The following ARHGEF4 variants were observed in gnomAD, a reference collection of about 807,000 sequenced individuals.
The protein encoded by ARHGEF4 is Rho guanine nucleotide exchange factor 4.
In ARHGEF4, 119 loss-of-function variants were observed where a neutral mutation model predicts 162.0. The observed-to-expected ratio is 0.73, with a 90% CI of 0.63 to 0.86. The LOEUF is 0.86. Ranked by LOEUF, ARHGEF4 falls within the 40% of genes least tolerant of loss-of-function variation. ARHGEF4 has a pLI of 0.00. For synonymous variants in ARHGEF4, 1,014 were observed against 979.9 expected (o/e 1.03, Z -0.65); for missense variants, 2,488 against 2,456.0 (o/e 1.01, Z -0.28).
intron 1 of ARHGEF4, among the ~76,000 whole-genome samples, chr2:130,856,115 C>A (rs1681764543): frequency 6.6e-6 from 1 of 152,054 alleles, no homozygotes; most frequent in African/African-American, 2.4e-5. Flanking sequence ...CTAAAGGAAG[C>A]CATGAATAAA....
At chr2:130,946,456 A>T in intron 3 of ARHGEF4, 53 bp from the exon 4 acceptor site, 1 of 1,565,472 alleles carries the variant, frequency 6.4e-7, no homozygotes, top group Non-Finnish European at 8.7e-7. Flanking sequence ...TGGCAATGAC[A>T]GCCTGTCATT....
intron 4 of ARHGEF4, among the ~76,000 whole-genome samples, chr2:130,988,899 TATAGAGAG>T (rs1202365212): frequency 0.011 from 1,254 of 112,718 alleles, 5 homozygotes; most frequent in Middle Eastern, 0.022. Context: ...TATATATATA[TATAGAGAG>T]AGAGAGAGAG....
At chr2:131,011,972 G>T in intron 4 of ARHGEF4, 1 of 695,178 alleles carries the variant, frequency 1.4e-6, no homozygotes, top group Non-Finnish European at 2.6e-6. Flanking sequence ...AGGGCTAGCT[G>T]ATGGACTTGA....
At position 131,040,400 on chromosome 2, in the gene ARHGEF4, G is replaced by T. The variant is rs931711554; in HGVS notation, c.4622G>T (p.Arg1541Leu). The T allele has an allele frequency of 5.0e-6, 8 of 1,606,488 alleles. No homozygotes were observed. The African/African-American group carries it at 8.0e-5, about 16-fold the overall frequency. The change falls in exon 8 of 14, where the codon CGC becomes CTC. Residue 1541 changes from arginine to leucine, a missense_variant. Transcript: ENST00000409359. ...CTGGAGCAGAGGTTCAACCGCGAGC[G>T]CCCACACCTGAGCGAGCTGGGTGCC... ...KALEQRFNRE[R>L]PHLSELGACF...
chr2:131,042,093 C>A, intron 10 of ARHGEF4, 149 bp downstream of exon 10: 1 of 1,230,728 alleles, frequency 8.1e-7, no homozygotes, highest in Non-Finnish European at 1.1e-6. Context: ...GAAAGCCTGT[C>A]CCCAGCGTGG....
At chr2:130,844,470 G>C (rs922712752) in intron 1 of ARHGEF4, among the ~76,000 whole-genome samples, 1 of 152,232 alleles carries the variant, frequency 6.6e-6, no homozygotes, top group South Asian at 2.1e-4. Context: ...AGCTTGAAAT[G>C]CCTTGGGTAT....
In ARHGEF4 at chr2:130,916,597, GTAGCCGAGGGCCTTCCTC is replaced by G. The variant is rs1681513823; in HGVS notation, c.2653_2670del (p.Ser885_Ser890del). On this transcript the variant is annotated inframe_deletion, in exon 2 of 14. Coordinates refer to ENST00000409359, the MANE Select transcript of ARHGEF4 (RefSeq NM_001367493.1). ...CACACGGGGACCTCAGGGGATCTTG[GTAGCCGAGGGCCTTCCTC>G]TGAGAGCTGCAACGCAAAGAGACTC... is the stretch of plus-strand genomic sequence containing the variant. 1.9e-6 allele frequency: 3 copies of G among 1,550,450 alleles called. No homozygotes were observed. The highest frequency in any genetic ancestry group is 2.6e-6 in the Non-Finnish European group (3 of 1,146,982).
chr2:131,029,187 C>T lies in ARHGEF4; in HGVS notation c.4125+1103C>T, dbSNP rs369654473. ...ACCAGCCTGGCCAACACTGAAACCCCATCTCTACTAAAAATACAAAAATTA... is the reference window on the plus strand; with the variant it reads ...ACCAGCCTGGCCAACACTGAAACCCTATCTCTACTAAAAATACAAAAATTA... On this transcript the variant is annotated intron_variant, in intron 5 of 13. Transcript: ENST00000409359. Among the ~76,000 whole-genome samples the T allele has an allele frequency of 3.3e-5, 5 of 152,062 alleles. No individual in the cohort carries two copies. In the South Asian group the frequency reaches 8.3e-4, roughly 25 times the overall value.
Position 131,045,623 on chromosome 2 carries a change from G to C in ARHGEF4, c.5479+177G>C, listed in dbSNP as rs187203373. 4.5e-6 allele frequency: 7 copies of C among 1,562,234 alleles called. No homozygotes were observed. In the Admixed American group the frequency reaches 9.0e-5, roughly 20 times the overall value. ...ATAAGGGGCCACTGGGGAAGCCTGG[G>C]TCAGTATATGGTTGACATTCTTACT... On this transcript the variant is annotated intron_variant, in intron 13 of 13. Transcript: ENST00000409359.
rs144914776 is a variant in ARHGEF4 at position 130,977,697 on chromosome 2, A to G, written c.3985+31062A>G. Among the ~76,000 whole-genome samples the G allele has an allele frequency of 4.0e-3, 598 of 151,210 alleles. 5 individuals are homozygous for G. The highest frequency in any genetic ancestry group is 0.017 in the East Asian group (86 of 5,116). On this transcript the variant is annotated intron_variant, in intron 4 of 13. Transcript: ENST00000409359. Reference sequence around the variant, plus strand: ...GTGTGTGCGCTGTGTGCATTGTGCAAACGTGTTTTTTTTGCATCTTGTGCG... The same window carrying G: ...GTGTGTGCGCTGTGTGCATTGTGCAGACGTGTTTTTTTTGCATCTTGTGCG...
intron 3 of ARHGEF4, among the ~76,000 whole-genome samples, chr2:130,939,190 A>C (rs768572057): frequency 8.5e-5 from 13 of 152,220 alleles, no homozygotes; most frequent in Non-Finnish European, 1.6e-4. Flanking sequence ...TTTCCCTAGG[A>C]TAATGGCCTC....
chr2:130,874,450 TCA>T (rs1489607074), intron 1 of ARHGEF4, among the ~76,000 whole-genome samples: 8 of 152,202 alleles, frequency 5.3e-5, no homozygotes, highest in Non-Finnish European at 1.2e-4. Flanking sequence ...CTTGGAGGGA[TCA>T]TGTCTCTGCA....
At chr2:130,921,697 G>A (rs1681883030) in intron 2 of ARHGEF4, among the ~76,000 whole-genome samples, 1 of 151,956 alleles carries the variant, frequency 6.6e-6, no homozygotes, top group Non-Finnish European at 1.5e-5. Context: ...AGGAACTTTT[G>A]TTTTTGTTTT....
chr2:131,031,664 A>G (rs1456959806), intron 5 of ARHGEF4, among the ~76,000 whole-genome samples: 1 of 152,128 alleles, frequency 6.6e-6, no homozygotes, highest in Non-Finnish European at 1.5e-5. Flanking sequence ...AGTCCCTGCC[A>G]GGCAAATTAA....
At chr2:130,912,664 G>C (rs1319035776) in intron 1 of ARHGEF4, among the ~76,000 whole-genome samples, 1 of 152,156 alleles carries the variant, frequency 6.6e-6, no homozygotes, top group Non-Finnish European at 1.5e-5. Context: ...GGGGCTGAGT[G>C]CTTGGCCAGC....
intron 1 of ARHGEF4, among the ~76,000 whole-genome samples, chr2:130,875,752 A>T (rs1678788625): frequency 6.6e-6 from 1 of 152,124 alleles, no homozygotes; most frequent in Non-Finnish European, 1.5e-5. Flanking sequence ...AGCTCCTACC[A>T]AGATATTCCG....
chr2:131,008,140 A>G (rs1419835307), intron 4 of ARHGEF4, among the ~76,000 whole-genome samples: 3 of 152,066 alleles, frequency 2.0e-5, no homozygotes, highest in African/African-American at 7.2e-5. Flanking sequence ...AATTGGCTAC[A>G]TGGTGTTTCA....
At chr2:130,903,955 T>G (rs960199119) in intron 1 of ARHGEF4, among the ~76,000 whole-genome samples, 2 of 152,260 alleles carry the variant, frequency 1.3e-5, no homozygotes, top group Non-Finnish European at 2.9e-5. Flanking sequence ...ATTCCATGTC[T>G]TTGCTATTGT....
intron 4 of ARHGEF4, among the ~76,000 whole-genome samples, chr2:131,005,493 C>T (rs1191586925): frequency 6.6e-6 from 1 of 152,188 alleles, no homozygotes; most frequent in African/African-American, 2.4e-5. Flanking sequence ...CAGTCCTGTT[C>T]TGTGTTGAAG....
Sources: allele counts gnomAD v4.1 joint callset (sites outside exome capture counted in the v4.1 genomes callset), GRCh38; gene constraint gnomAD v4.1.1; transcripts MANE v1.5; gene names NCBI Gene and HGNC (gene_info 2026-07-23, HGNC 2026-07-21).